The following PRKG1 variants were observed in gnomAD, a reference collection of about 807,000 sequenced individuals.
The protein encoded by PRKG1 is protein kinase cGMP-dependent 1.
In PRKG1, 35 loss-of-function variants were observed where a neutral mutation model predicts 88.1. That is an observed-to-expected ratio of 0.40 (90% CI 0.30 to 0.53). The LOEUF is 0.53. PRKG1 is among the 20% of genes least tolerant of loss of function. PRKG1 has a pLI of 0.59. For missense variants in PRKG1, 540 were observed against 839.8 expected (o/e 0.64, Z 4.41); for synonymous variants, 303 against 292.5 (o/e 1.04, Z -0.37).
At chr10:51,624,691 G>A (rs1482994363) in intron 3 of PRKG1, among the ~76,000 whole-genome samples, 2 of 152,124 alleles carry the variant, frequency 1.3e-5, no homozygotes, top group East Asian at 3.9e-4. Flanking sequence ...ACTCACAGAG[G>A]TGAATAATTA....
At chr10:51,063,532 A>G (rs1843715156) in intron 1 of PRKG1, among the ~76,000 whole-genome samples, 1 of 152,212 alleles carries the variant, frequency 6.6e-6, no homozygotes, top group Non-Finnish European at 1.5e-5. Context: ...AAAAGGTACA[A>G]CTATGTATAG....
intron 4 of PRKG1, among the ~76,000 whole-genome samples, chr10:51,882,239 C>G (rs1162320587): frequency 1.3e-5 from 2 of 152,168 alleles, no homozygotes; most frequent in Non-Finnish European, 2.9e-5. Flanking sequence ...TTCCCAAAGT[C>G]CCCCCAGACA....
At chr10:52,214,533 C>T (rs1020653572) in intron 9 of PRKG1, among the ~76,000 whole-genome samples, 4 of 152,156 alleles carry the variant, frequency 2.6e-5, no homozygotes, top group African/African-American at 9.7e-5. Context: ...GTATGTATAG[C>T]ACTTTGTGTA....
At chr10:51,835,074 A>G (rs931530045) in intron 4 of PRKG1, among the ~76,000 whole-genome samples, 5 of 152,206 alleles carry the variant, frequency 3.3e-5, no homozygotes, top group African/African-American at 9.6e-5. Flanking sequence ...CCAAGTGTCC[A>G]GATTAACACC....
intron 3 of PRKG1, among the ~76,000 whole-genome samples, chr10:51,628,039 CTTCCTTCTTTCCTTTCCTTTCTTTCT>C (rs1839408901): frequency 8.5e-6 from 1 of 118,056 alleles, no homozygotes; most frequent in African/African-American, 3.1e-5. Flanking sequence ...TCTTTCTTTC[CTTCCTTCTTTCCTTTCCTTTCTTTCT>C]TTCCTTCTTT....
chr10:51,064,057 A>T (rs578185061), intron 1 of PRKG1, among the ~76,000 whole-genome samples: 3 of 152,222 alleles, frequency 2.0e-5, no homozygotes, highest in South Asian at 2.1e-4. Flanking sequence ...AAAAAATGAA[A>T]CATTTAAATC....
In PRKG1 at chr10:52,121,808, A is replaced by G. The variant is rs7079937; in HGVS notation, c.936-12032A>G. Among the ~76,000 whole-genome samples the G allele has an allele frequency of 9.3e-3, 1,422 of 152,230 alleles. 30 individuals carry two copies. The highest frequency in any genetic ancestry group is 0.033 in the African/African-American group (1,357 of 41,540). ...CTCTAAGAAGATTTAGTTTCTCCCT[A>G]CAGCTCCTGTCTTCTGAGCCCTCAC... On this transcript the variant is annotated intron_variant, in intron 7 of 17. Coordinates refer to ENST00000373980, the MANE Select transcript of PRKG1 (RefSeq NM_006258.4).
chr10:51,401,679 G>A (rs1308557719), intron 2 of PRKG1, among the ~76,000 whole-genome samples: 1 of 152,096 alleles, frequency 6.6e-6, no homozygotes, highest in Non-Finnish European at 1.5e-5. Flanking sequence ...ATCCTGAAAA[G>A]CATAATGAAC....
intron 2 of PRKG1, among the ~76,000 whole-genome samples, chr10:51,314,033 T>G (rs915668093): frequency 2.6e-5 from 4 of 152,312 alleles, no homozygotes; most frequent in Non-Finnish European, 4.4e-5. Context: ...AGAAGTATGA[T>G]GAGGTCTAAT....
intron 3 of PRKG1, among the ~76,000 whole-genome samples, chr10:51,545,277 C>A (rs553305199): frequency 6.6e-5 from 10 of 152,254 alleles, no homozygotes; most frequent in Non-Finnish European, 1.3e-4. Context: ...TTTCTTCAAA[C>A]TAAACTCTAC....
intron 2 of PRKG1, among the ~76,000 whole-genome samples, chr10:51,457,644 A>T (rs1839625099): frequency 6.6e-6 from 1 of 152,244 alleles, no homozygotes; most frequent in Non-Finnish European, 1.5e-5. Context: ...TCTTTCACTT[A>T]GCATATTTTT....
Position 51,983,210 on chromosome 10 carries a change from G to T in PRKG1, c.763-71274G>T, listed in dbSNP as rs552926498. ...TCCTGCCAAGGCTTTGACTACAATG[G>T]TGGTCCAATAGGGGATCAGGGCATG... On this transcript the variant is annotated intron_variant, in intron 5 of 17. Coordinates refer to ENST00000373980, the MANE Select transcript of PRKG1 (RefSeq NM_006258.4). 3.6e-4 allele frequency among the ~76,000 whole-genome samples: 55 copies of T among 152,246 alleles called. 1 individual carries two copies. The Middle Eastern group carries it at 0.017, about 47-fold the overall frequency.
intron 3 of PRKG1, among the ~76,000 whole-genome samples, chr10:51,533,303 C>T (rs1409866292): frequency 6.6e-6 from 1 of 152,190 alleles, no homozygotes; most frequent in Non-Finnish European, 1.5e-5. Flanking sequence ...TCTTTTACAT[C>T]TGTTATAGCC....
chr10:51,559,554 C>A (rs541152267), intron 3 of PRKG1, among the ~76,000 whole-genome samples: 194 of 152,168 alleles, frequency 1.3e-3, no homozygotes, highest in Non-Finnish European at 2.0e-3. Flanking sequence ...ATAGTTAGCT[C>A]ATATATTGCC....
At chr10:52,114,545 C>A (rs1589618586) in intron 7 of PRKG1, among the ~76,000 whole-genome samples, 3 of 148,410 alleles carry the variant, frequency 2.0e-5, no homozygotes, top group East Asian at 1.9e-4. Flanking sequence ...AGCTCACAGG[C>A]CTAATATGCT....
chr10:51,104,940 A>T (rs1347797919), intron 1 of PRKG1, among the ~76,000 whole-genome samples: 1 of 152,056 alleles, frequency 6.6e-6, no homozygotes, highest in Non-Finnish European at 1.5e-5. Flanking sequence ...CATGTAGGTC[A>T]GGCTAGTCTC....
chr10:52,109,816 A>G (rs751731871), intron 7 of PRKG1, among the ~76,000 whole-genome samples: 3 of 151,866 alleles, frequency 2.0e-5, no homozygotes, highest in Non-Finnish European at 2.9e-5. Context: ...AATAACAACA[A>G]TAATAATAAT....
intron 2 of PRKG1, chr10:51,306,665 T>C (rs1047085749): frequency 2.0e-5 from 3 of 152,272 alleles, no homozygotes; most frequent in African/African-American, 7.2e-5. Context: ...CAACATCTAG[T>C]AAAGGAGACT....
chr10:52,284,662 C>G (rs1017899266), intron 14 of PRKG1, among the ~76,000 whole-genome samples: 5 of 152,038 alleles, frequency 3.3e-5, no homozygotes, highest in Non-Finnish European at 7.4e-5. Flanking sequence ...AATGTCATAT[C>G]TAATGATCTT....
Sources: gnomAD v4.1 joint callset for allele counts (sites outside exome capture counted in the v4.1 genomes callset) on GRCh38, gnomAD v4.1.1 for gene constraint, MANE v1.5 for transcripts, NCBI Gene and HGNC (gene_info 2026-07-23, HGNC 2026-07-21) for gene names.